CYTH1: variants seen among roughly 807,000 people sequenced by gnomAD.
CYTH1 encodes the protein cytohesin-1.
In CYTH1, 18 loss-of-function variants were observed where a neutral mutation model predicts 61.8. That is an observed-to-expected ratio of 0.29 (90% CI 0.20 to 0.43). The LOEUF is 0.43. CYTH1 is among the 20% of genes least tolerant of loss of function. The probability of loss-of-function intolerance (pLI) is 1.00; values close to 1 mark genes in which losing one functional copy is unlikely to be tolerated. For missense variants in CYTH1, 336 were observed against 510.5 expected (o/e 0.66, Z 3.29); for synonymous variants, 174 against 184.3 (o/e 0.94, Z 0.45).
intron 1 of CYTH1, among the ~76,000 whole-genome samples, chr17:78,731,697 G>A (rs1013780200): frequency 6.8e-6 from 1 of 148,094 alleles, no homozygotes; most frequent in Non-Finnish European, 1.5e-5. Context: ...GGCGAAGCTT[G>A]CAGTGAGCTG....
At chr17:78,749,657 T>C in intron 1 of CYTH1, among the ~76,000 whole-genome samples, 1 of 150,116 alleles carries the variant, frequency 6.7e-6, no homozygotes, top group Admixed American at 6.6e-5. Context: ...CAAATAAAAA[T>C]AAAAAAATAA....
chr17:78,692,708 C>T (rs557334889), intron 10 of CYTH1, among the ~76,000 whole-genome samples: 6 of 151,874 alleles, frequency 4.0e-5, no homozygotes, highest in Non-Finnish European at 7.4e-5. Flanking sequence ...AGAGCAAGCG[C>T]ATCTAGGTGA....
intron 9 of CYTH1, among the ~76,000 whole-genome samples, chr17:78,696,233 C>T (rs963994670): frequency 2.6e-5 from 4 of 152,246 alleles, no homozygotes; most frequent in Admixed American, 6.5e-5. Context: ...TTACATGCCA[C>T]GTTCCACCTC....
At position 78,701,840 on chromosome 17, in the gene CYTH1, CGTCCTGTG is replaced by C. The variant is rs71365529; in HGVS notation, c.357-97_357-90del. 7 of 1,317,726 alleles carry C rather than the reference CGTCCTGTG, an allele frequency of 5.3e-6. No individual in the cohort carries two copies. In the African/African-American group the frequency reaches 5.8e-5, roughly 11 times the overall value. The allele number at this position is 1,317,726 out of a possible 1,614,324, so 81.6% of individuals were successfully genotyped here. A position where few individuals can be genotyped will look rare whatever the true frequency, so the allele number is the denominator to read the frequency against. On this transcript the variant is annotated intron_variant, in intron 5 of 13. Transcript: ENST00000446868. ...CAGCCAGGCCATGTCTCCTACACTGCGTCCTGTGGTCCTGTGGCTCCTGCCCAGACAGC... is the reference window on the plus strand; with the variant it reads ...CAGCCAGGCCATGTCTCCTACACTGCGTCCTGTGGCTCCTGCCCAGACAGC...
chr17:78,699,218 G>A (rs1166121201), intron 7 of CYTH1, among the ~76,000 whole-genome samples: 1 of 152,120 alleles, frequency 6.6e-6, no homozygotes, highest in Non-Finnish European at 1.5e-5. Flanking sequence ...ACAAAAATTA[G>A]CCAGGCGTGG....
chr17:78,777,757 C>G (rs192008095), intron 1 of CYTH1, among the ~76,000 whole-genome samples: 1 of 150,442 alleles, frequency 6.6e-6, no homozygotes, highest in African/African-American at 2.4e-5. Flanking sequence ...GAGGCTGAGG[C>G]GGGCAGATCA....
chr17:78,680,044 G>T (rs79950037), intron 13 of CYTH1, 146 bp downstream of exon 13: 5 of 1,130,884 alleles, frequency 4.4e-6, no homozygotes, highest in Admixed American at 2.9e-5. Flanking sequence ...CTGGGAAGCC[G>T]TCAGCTGGGA....
At chr17:78,766,024 G>A (rs191668036) in intron 1 of CYTH1, among the ~76,000 whole-genome samples, 42 of 144,112 alleles carry the variant, frequency 2.9e-4, no homozygotes, top group Admixed American at 2.7e-3. Flanking sequence ...GGGGGTGGGA[G>A]GATCGTCTGA....
chr17:78,780,389 G>A (rs1199015828), intron 1 of CYTH1, among the ~76,000 whole-genome samples: 5 of 152,200 alleles, frequency 3.3e-5, no homozygotes, highest in African/African-American at 9.6e-5. Flanking sequence ...CAGGCCTGTA[G>A]TCCAGGTTAC....
intron 1 of CYTH1, among the ~76,000 whole-genome samples, chr17:78,736,166 C>A (rs183124786): frequency 1.6e-4 from 25 of 152,344 alleles, no homozygotes; most frequent in East Asian, 1.5e-3. Context: ...CTCACTGGTT[C>A]TTTCAATCCG....
intron 1 of CYTH1, among the ~76,000 whole-genome samples, chr17:78,721,308 C>T (rs568212918): frequency 9.2e-5 from 14 of 152,162 alleles, no homozygotes; most frequent in African/African-American, 2.4e-4. Flanking sequence ...CCAGCTCGGG[C>T]GACAGAGCAA....
intron 1 of CYTH1, among the ~76,000 whole-genome samples, chr17:78,726,959 C>A (rs193246089): frequency 1.3e-5 from 2 of 152,372 alleles, no homozygotes; most frequent in Non-Finnish European, 1.5e-5. Flanking sequence ...CCCCAAACCA[C>A]TACTGACTTC....
intron 3 of CYTH1, among the ~76,000 whole-genome samples, chr17:78,706,823 G>C (rs1365076856): frequency 2.0e-5 from 3 of 152,078 alleles, no homozygotes; most frequent in Non-Finnish European, 4.4e-5. Flanking sequence ...ATGATGTTAA[G>C]CATTTTTCAT....
chr17:78,702,329 G>T, intron 4 of CYTH1, 89 bp from the exon 5 acceptor site: 1 of 1,145,630 alleles, frequency 8.7e-7, no homozygotes, highest in Non-Finnish European at 1.3e-6. Flanking sequence ...ATGGGTGTGG[G>T]TGCACTGGAA....
At position 78,717,826 on chromosome 17, in the gene CYTH1, C is replaced by A. The variant is rs1255634816; in HGVS notation, c.23-8094G>T. Among the ~76,000 whole-genome samples, 1 of 152,172 alleles carries A rather than the reference C, an allele frequency of 6.6e-6. No homozygotes were observed. ...TACCGTCAAATGAACGTGTCCAAGG[C>A]ATGCTTTAGGACCAGGATGTCTCTT... On this transcript the variant is annotated intron_variant, in intron 1 of 13. Transcript: ENST00000446868. The surrounding 1 kb of genome is among the most constrained non-coding windows in gnomAD (Gnocchi z 4.4).
At chr17:78,755,959 A>T (rs951554222) in intron 1 of CYTH1, among the ~76,000 whole-genome samples, 1 of 151,868 alleles carries the variant, frequency 6.6e-6, no homozygotes, top group African/African-American at 2.4e-5. Flanking sequence ...AAGGGCCATG[A>T]AGCATCTTTT....
At chr17:78,728,021 T>G (rs1675402249) in intron 1 of CYTH1, 2 of 199,430 alleles carry the variant, frequency 1.0e-5, no homozygotes, top group South Asian at 1.3e-4. Flanking sequence ...ATGGCCTCCC[T>G]CCACGACAAA....
intron 10 of CYTH1, among the ~76,000 whole-genome samples, chr17:78,693,620 CAAAAA>C (rs1256482874): frequency 3.8e-5 from 4 of 105,910 alleles, no homozygotes; most frequent in African/African-American, 1.4e-4. Context: ...GACTCCCTCT[CAAAAA>C]AAAAGAAAAA....
At position 78,676,048 on chromosome 17, in the gene CYTH1, G is replaced by C; in HGVS notation, c.*43C>G. 6.3e-7 allele frequency: 1 copy of C among 1,575,214 alleles called. No individual in the cohort carries two copies. Among genetic ancestry groups the C allele is most frequent in the South Asian group, 1.2e-5 (1 of 85,986 alleles). On this transcript the variant is annotated 3_prime_UTR_variant, in exon 14 of 14. Transcript: ENST00000446868. The stretch of plus-strand genomic sequence containing the variant: ...TCCATGGAGGTGCGGGAGAAGAGCA[G>C]GAGCTCCAAGGCCCCCGCAGACCAA...
Sources: gnomAD v4.1 joint callset for allele counts (sites outside exome capture counted in the v4.1 genomes callset) on GRCh38, gnomAD v4.1.1 for gene constraint, Gnocchi (gnomAD v3.1) non-coding constraint, MANE v1.5 for transcripts, NCBI Gene and HGNC (gene_info 2026-07-23, HGNC 2026-07-21) for gene names.